MAGI1: variants seen among roughly 807,000 people sequenced by gnomAD.
MAGI1 encodes the protein membrane associated guanylate kinase, WW and PDZ domain containing 1.
A neutral mutation model predicts 139.9 loss-of-function variants in MAGI1; 58 were observed. The observed-to-expected ratio is 0.41, with a 90% CI of 0.34 to 0.52. MAGI1 has a LOEUF of 0.52. Ranked by LOEUF, MAGI1 falls within the 20% of genes least tolerant of loss-of-function variation. MAGI1 has a pLI of 0.12. For synonymous variants in MAGI1, 812 were observed against 737.9 expected (o/e 1.10, Z -1.63); for missense variants, 1,874 against 1,901.6 (o/e 0.99, Z 0.27).
intron 2 of MAGI1, among the ~76,000 whole-genome samples, chr3:65,606,069 G>A (rs1436665272): frequency 6.6e-6 from 1 of 152,136 alleles, no homozygotes; most frequent in East Asian, 1.9e-4. Context: ...CACCTACTAT[G>A]TGCCAGAGCC....
Position 65,478,599 on chromosome 3 carries a change from G to A in MAGI1, c.750C>T (p.Ser250=). The change falls in exon 4 of 23, where the codon AGC becomes AGT. Residue 250 remains serine, a synonymous_variant. Transcript: ENST00000402939. The part of the protein sequence containing the change: ...EEDDVPEMNS[S]FTADSGEQEE... ...ACATGATCTGACCTTTACCTGTAAA[G>A]CTGCTGTTCATTTCAGGAACGTCAT... 1 of 1,613,820 alleles carries A rather than the reference G, an allele frequency of 6.2e-7. No individual in the cohort carries two copies. The highest frequency in any genetic ancestry group is 1.7e-5 in the Admixed American group (1 of 60,000).
intron 12 of MAGI1, among the ~76,000 whole-genome samples, chr3:65,406,746 T>C (rs1038122987): frequency 6.6e-6 from 1 of 151,964 alleles, no homozygotes; most frequent in South Asian, 2.1e-4. Context: ...GGCAGGGAAC[T>C]GTGTGTGTGT....
intron 18 of MAGI1, among the ~76,000 whole-genome samples, chr3:65,370,471 TTA>T (rs1349558143): frequency 1.3e-5 from 2 of 152,186 alleles, no homozygotes; most frequent in Non-Finnish European, 2.9e-5. Flanking sequence ...TGTACCAGTT[TTA>T]TGTTTACTTG....
At chr3:65,912,630 G>A (rs2061719123) in intron 1 of MAGI1, among the ~76,000 whole-genome samples, 1 of 152,210 alleles carries the variant, frequency 6.6e-6, no homozygotes, top group African/African-American at 2.4e-5. Context: ...CTCACCAAGA[G>A]ACCCTGACCA....
At chr3:65,399,971 T>G (rs1175156757) in intron 13 of MAGI1, among the ~76,000 whole-genome samples, 1 of 152,102 alleles carries the variant, frequency 6.6e-6, no homozygotes, top group African/African-American at 2.4e-5. Flanking sequence ...ATGTAGGGTG[T>G]GTAAAATAAG....
intron 1 of MAGI1, among the ~76,000 whole-genome samples, chr3:65,857,859 GTAGGAAGGC>G (rs1380014853): frequency 6.6e-6 from 1 of 152,040 alleles, no homozygotes; most frequent in East Asian, 1.9e-4. Flanking sequence ...TTAAAAAGAG[GTAGGAAGGC>G]AAGAAGGGGG....
At chr3:66,020,559 C>T (rs1046878525) in intron 1 of MAGI1, among the ~76,000 whole-genome samples, 4 of 152,154 alleles carry the variant, frequency 2.6e-5, no homozygotes, top group Non-Finnish European at 5.9e-5. Context: ...CTATCGGCAG[C>T]TCTGAAGCAA....
chr3:65,534,529 G>C (rs2078865770), intron 2 of MAGI1, among the ~76,000 whole-genome samples: 3 of 152,014 alleles, frequency 2.0e-5, no homozygotes, highest in Non-Finnish European at 2.9e-5. Flanking sequence ...GAAAGAGAGA[G>C]AGATCAGAGT....
At chr3:66,011,560 T>C (rs1354323181) in intron 1 of MAGI1, among the ~76,000 whole-genome samples, 1 of 152,092 alleles carries the variant, frequency 6.6e-6, no homozygotes, top group Non-Finnish European at 1.5e-5. Flanking sequence ...TGAGGTCACA[T>C]AGCCTTCCCA....
chr3:65,600,551 G>A (rs1310486484), intron 2 of MAGI1, among the ~76,000 whole-genome samples: 2 of 152,208 alleles, frequency 1.3e-5, no homozygotes, highest in African/African-American at 2.4e-5. Flanking sequence ...CAGGAGAGAT[G>A]CTTAGTTGCA....
intron 10 of MAGI1, among the ~76,000 whole-genome samples, chr3:65,432,333 A>C (rs996336844): frequency 6.6e-6 from 1 of 152,146 alleles, no homozygotes; most frequent in African/African-American, 2.4e-5. Flanking sequence ...AAACAAAAAG[A>C]GAGAGAGAAA....
chr3:65,547,310 G>A (rs561989501), intron 2 of MAGI1, among the ~76,000 whole-genome samples: 3 of 152,248 alleles, frequency 2.0e-5, no homozygotes, highest in African/African-American at 7.2e-5. Flanking sequence ...GACAGCCTCT[G>A]CTTTAAAATC....
At chr3:65,467,861 AG>A (rs1950267654) in intron 5 of MAGI1, among the ~76,000 whole-genome samples, 1 of 152,208 alleles carries the variant, frequency 6.6e-6, no homozygotes, top group Non-Finnish European at 1.5e-5. Context: ...TTAATGCAAA[AG>A]CTAAGTAAAA....
rs556514807 is a variant in MAGI1, at chr3:65,793,362, A to C, written c.314-171274T>G. On this transcript the variant is annotated intron_variant, in intron 1 of 22. Coordinates refer to ENST00000402939, the MANE Select transcript of MAGI1 (RefSeq NM_001033057.2). ...GTAAACAATGATAGCTAGTGAGATG[A>C]ACTCTCATTCACAGAGTCTGGGGCA... is the stretch of plus-strand genomic sequence containing the variant. Among the ~76,000 whole-genome samples the C allele has an allele frequency of 2.6e-4, 39 of 152,340 alleles. 1 individual carries two copies. The highest frequency in any genetic ancestry group is 1.9e-3 in the South Asian group (9 of 4,822).
chr3:65,844,152 C>T (rs768973862), intron 1 of MAGI1: 9 of 519,468 alleles, frequency 1.7e-5, no homozygotes, highest in Non-Finnish European at 3.1e-5. Context: ...AAAAAGAGTG[C>T]TAAATTTTTG....
At chr3:65,381,288 G>T (rs926926389) in intron 16 of MAGI1, among the ~76,000 whole-genome samples, 4 of 152,104 alleles carry the variant, frequency 2.6e-5, no homozygotes, top group African/African-American at 4.8e-5. Flanking sequence ...ATTTCCAAGG[G>T]AAGAAAGTTA....
intron 2 of MAGI1, among the ~76,000 whole-genome samples, chr3:65,617,518 T>C (rs62244992): frequency 5.3e-5 from 8 of 152,140 alleles, no homozygotes; most frequent in Non-Finnish European, 1.2e-4. Context: ...AAGAAGGCTA[T>C]CAATGCAGGA....
At chr3:65,853,008 G>A (rs1246741993) in intron 1 of MAGI1, among the ~76,000 whole-genome samples, 3 of 151,260 alleles carry the variant, frequency 2.0e-5, no homozygotes, top group African/African-American at 7.3e-5. Context: ...AATTAGCCGG[G>A]CATGGTGGCA....
At chr3:65,477,692 C>CATT (rs145971501) in intron 4 of MAGI1, among the ~76,000 whole-genome samples, 6,266 of 138,560 alleles carry the variant, frequency 0.045, 154 homozygotes, top group Middle Eastern at 0.072. Flanking sequence ...GAACACGCAA[C>CATT]ATTATTATTA....
Sources: allele counts gnomAD v4.1 joint callset (sites outside exome capture counted in the v4.1 genomes callset), GRCh38; gene constraint gnomAD v4.1.1; transcripts MANE v1.5; gene names NCBI Gene and HGNC (gene_info 2026-07-23, HGNC 2026-07-21).